Variants in FKBP6 observed in about 807,000 individuals in gnomAD.
FKBP6 encodes inactive peptidyl-prolyl cis-trans isomerase FKBP6.
A neutral mutation model predicts 41.7 loss-of-function variants in FKBP6; 29 were observed. The ratio of observed to expected loss-of-function variants is 0.70; its 90% CI spans 0.52 to 0.95. The LOEUF (loss-of-function observed/expected upper bound fraction) is 0.95. Among genes scored for constraint, FKBP6 ranks in the 40% least tolerant of loss-of-function variants. The pLI is 0.00. For missense variants in FKBP6, 338 were observed against 408.7 expected (o/e 0.83, Z 1.49); for synonymous variants, 130 against 165.1 (o/e 0.79, Z 1.63).
chr7:73,340,839 TGGAAGCCAGTGACTTG>T lies in FKBP6; in HGVS notation c.783+12_783+27del. 1 of 1,611,046 alleles carries T rather than the reference TGGAAGCCAGTGACTTG, an allele frequency of 6.2e-7. No homozygotes were observed. The highest frequency in any genetic ancestry group is 8.5e-7 in the Non-Finnish European group (1 of 1,177,518). On this transcript the variant is annotated splice_region_variant and intron_variant, in intron 6 of 8. Coordinates refer to ENST00000252037, the MANE Select transcript of FKBP6 (RefSeq NM_003602.5). ...CCTCTTCAGGTGTGGACAGGTGAGT[TGGAAGCCAGTGACTTG>T]GGAATAAACACCCAGGAAAAGGTAG...
At chr7:73,350,909 ATC>A (rs1219883275) in intron 8 of FKBP6, among the ~76,000 whole-genome samples, 1 of 151,868 alleles carries the variant, frequency 6.6e-6, no homozygotes, top group Non-Finnish European at 1.5e-5. Flanking sequence ...GCAGATCATC[ATC>A]TCTCTCGGTA....
intron 6 of FKBP6, among the ~76,000 whole-genome samples, 194 bp downstream of exon 6, chr7:73,341,026 C>G (rs1161429421): frequency 6.7e-6 from 1 of 149,986 alleles, no homozygotes; most frequent in African/African-American, 2.5e-5. Flanking sequence ...TGGCTTCAAG[C>G]AATTTTCCTG....
intron 5 of FKBP6, among the ~76,000 whole-genome samples, chr7:73,333,883 C>T (rs1393184194): frequency 1.3e-5 from 2 of 152,040 alleles, no homozygotes; most frequent in Non-Finnish European, 2.9e-5. Context: ...ACCAGCCTGG[C>T]GAACATGGTG....
At chr7:73,337,446 C>G (rs1344638889) in intron 5 of FKBP6, among the ~76,000 whole-genome samples, 1 of 151,730 alleles carries the variant, frequency 6.6e-6, no homozygotes, top group Non-Finnish European at 1.5e-5. Context: ...TCCCAAGTAG[C>G]TGAGATTACA....
At position 73,340,850 on chromosome 7, in the gene FKBP6, G is replaced by A. The variant is rs370279145; in HGVS notation, c.783+18G>A. 1.9e-6 allele frequency: 3 copies of A among 1,598,984 alleles called. No individual in the cohort carries two copies. Among genetic ancestry groups the A allele is most frequent in the African/African-American group, 2.7e-5 (2 of 74,408 alleles). The stretch of plus-strand genomic sequence containing the variant: ...GTGGACAGGTGAGTTGGAAGCCAGT[G>A]ACTTGGGAATAAACACCCAGGAAAA... On this transcript the variant is annotated intron_variant, in intron 6 of 8. Transcript: ENST00000252037.
chr7:73,352,160 CATT>C (rs1454260323), intron 8 of FKBP6, among the ~76,000 whole-genome samples: 2 of 152,096 alleles, frequency 1.3e-5, no homozygotes, highest in Non-Finnish European at 2.9e-5. Flanking sequence ...GATGGGGTCT[CATT>C]ATATTTCCTA....
chr7:73,340,383 G>C (rs1554549234), intron 5 of FKBP6, among the ~76,000 whole-genome samples: 1 of 152,146 alleles, frequency 6.6e-6, no homozygotes, highest in Non-Finnish European at 1.5e-5. Context: ...CGGGCATGGT[G>C]GTGCACACCT....
At chr7:73,348,335 G>C (rs1000585122) in intron 8 of FKBP6, among the ~76,000 whole-genome samples, 3 of 151,962 alleles carry the variant, frequency 2.0e-5, no homozygotes, top group African/African-American at 7.3e-5. Flanking sequence ...GTTACATAAC[G>C]AATAATACTA....
chr7:73,341,240 A>G (rs1805174221), intron 6 of FKBP6, 33 bp from the exon 7 acceptor site: 2 of 1,423,616 alleles, frequency 1.4e-6, no homozygotes, highest in Admixed American at 1.7e-5. Flanking sequence ...TATCTTTTCT[A>G]ACTGTGCTTT....
intron 5 of FKBP6, among the ~76,000 whole-genome samples, chr7:73,336,598 C>A (rs1187944653): frequency 6.6e-6 from 1 of 152,024 alleles, no homozygotes; most frequent in Non-Finnish European, 1.5e-5. Flanking sequence ...AGTTTGAAAT[C>A]AGCTCTGGGA....
At chr7:73,346,296 G>T (rs1171752596) in intron 8 of FKBP6, among the ~76,000 whole-genome samples, 4 of 152,242 alleles carry the variant, frequency 2.6e-5, no homozygotes, top group African/African-American at 9.6e-5. Context: ...CCGACTGTTG[G>T]TGGGCACTCT....
Position 73,328,247 on chromosome 7 carries a change from C to T in FKBP6, c.-182C>T. The T allele has an allele frequency of 6.5e-7, 1 of 1,549,200 alleles. No homozygotes were observed. The highest frequency in any genetic ancestry group is 1.2e-5 in the South Asian group (1 of 83,974). On this transcript the variant is annotated 5_prime_UTR_variant, in exon 1 of 9. Coordinates refer to ENST00000252037, the MANE Select transcript of FKBP6 (RefSeq NM_003602.5). The stretch of plus-strand genomic sequence containing the variant: ...GTTCCAGAGCTCGCGAGGGCCAGGG[C>T]CGTTGGCGGCGGTTGGAACGAAACG...
intron 5 of FKBP6, among the ~76,000 whole-genome samples, chr7:73,333,890 G>A (rs562423310): frequency 6.6e-6 from 1 of 152,270 alleles, no homozygotes; most frequent in Non-Finnish European, 1.5e-5. Flanking sequence ...TGGCGAACAT[G>A]GTGAAACCCC....
intron 3 of FKBP6, chr7:73,329,753 T>C (rs1554547256): frequency 1.9e-6 from 1 of 539,034 alleles, no homozygotes; most frequent in East Asian, 3.3e-5. Context: ...AAAGAGAGGA[T>C]GTACTCAGAA....
At chr7:73,342,974 T>G (rs1805235911) in intron 8 of FKBP6, 75 bp downstream of exon 8, 1 of 1,007,958 alleles carries the variant, frequency 9.9e-7, no homozygotes, top group African/African-American at 1.6e-5. Flanking sequence ...CCCAAGTGAA[T>G]GGTGGCTGTC....
intron 4 of FKBP6, 96 bp downstream of exon 4, chr7:73,330,448 G>A (rs1804803026): frequency 1.3e-5 from 12 of 948,492 alleles, no homozygotes; most frequent in Middle Eastern, 2.3e-4. Flanking sequence ...GAGGCTGATC[G>A]TCCTCTCCAG....
chr7:73,354,410 G>A (rs995004632), intron 8 of FKBP6, among the ~76,000 whole-genome samples: 7 of 152,222 alleles, frequency 4.6e-5, no homozygotes, highest in African/African-American at 1.7e-4. Flanking sequence ...GTGGGGAGAA[G>A]CAGGTCAGGG....
intron 8 of FKBP6, among the ~76,000 whole-genome samples, chr7:73,348,092 G>A (rs994112701): frequency 2.2e-4 from 34 of 152,218 alleles, no homozygotes; most frequent in East Asian, 7.7e-4. Flanking sequence ...CTTAAATCAC[G>A]TCTTCCTCGT....
intron 5 of FKBP6, among the ~76,000 whole-genome samples, chr7:73,333,372 C>T (rs891992914): frequency 1.4e-4 from 21 of 152,320 alleles, no homozygotes; most frequent in African/African-American, 4.8e-4. Flanking sequence ...ATCTATTCCC[C>T]CTTCTCCTAA....
Sources: gnomAD v4.1 joint callset for allele counts (sites outside exome capture counted in the v4.1 genomes callset) on GRCh38, gnomAD v4.1.1 for gene constraint, MANE v1.5 for transcripts, NCBI Gene and HGNC (gene_info 2026-07-23, HGNC 2026-07-21) for gene names.